DZIP3: variants seen among roughly 807,000 people sequenced by gnomAD.
DZIP3 encodes the protein E3 ubiquitin-protein ligase DZIP3.
Under a neutral mutation model 162.0 loss-of-function variants are expected in DZIP3, and 118 were observed. That is an observed-to-expected ratio of 0.73 (90% CI 0.63 to 0.85). DZIP3 has a LOEUF of 0.85. Ranked by LOEUF, DZIP3 falls within the 40% of genes least tolerant of loss-of-function variation. DZIP3 has a pLI of 0.00. For synonymous variants in DZIP3, 438 were observed against 458.6 expected (o/e 0.96, Z 0.57); for missense variants, 1,331 against 1,407.0 (o/e 0.95, Z 0.86).
At chr3:108,681,110 T>G (rs1434175808) in intron 26 of DZIP3, among the ~76,000 whole-genome samples, 2 of 151,996 alleles carry the variant, frequency 1.3e-5, no homozygotes, top group African/African-American at 2.4e-5. Flanking sequence ...GGGATCTAAC[T>G]AAAGAGCTTC....
intron 26 of DZIP3, among the ~76,000 whole-genome samples, chr3:108,683,455 G>A (rs1944390241): frequency 6.6e-6 from 1 of 152,064 alleles, no homozygotes; most frequent in Non-Finnish European, 1.5e-5. Context: ...TTTAAGTTCA[G>A]TAACAAATTG....
Position 108,674,129 on chromosome 3 carries a change from AC to A in DZIP3, c.2642del (p.Thr881MetfsTer12). 6.2e-7 allele frequency: 1 copy of A among 1,612,420 alleles called. No homozygotes were observed. The highest frequency in any genetic ancestry group is 1.1e-5 in the South Asian group (1 of 91,030). ...RDFGLLHLEQTEKECLNQLAR... is the reference protein window; with the variant it reads ...RDFGLLHLEQXEKECLNQLAR... ...TTTTGGTTTGCTTCATCTAGAGCAG[AC>A]TGAAAAGGAATGTCTCAATCAGCTT... On this transcript the variant is annotated frameshift_variant, in exon 24 of 33. Transcript: ENST00000361582. LOFTEE classifies it high-confidence loss of function.
chr3:108,605,772 G>C (rs986641470), intron 2 of DZIP3, among the ~76,000 whole-genome samples: 1 of 152,180 alleles, frequency 6.6e-6, no homozygotes, highest in African/African-American at 2.4e-5. Flanking sequence ...TGGCCTGGGG[G>C]CTGGGGACCC....
chr3:108,666,276 A>AT (rs1479075715), intron 21 of DZIP3, among the ~76,000 whole-genome samples: 1 of 152,174 alleles, frequency 6.6e-6, no homozygotes, highest in Non-Finnish European at 1.5e-5. Flanking sequence ...ATCAGATTAA[A>AT]TGGACTTCAG....
intron 11 of DZIP3, among the ~76,000 whole-genome samples, chr3:108,637,022 A>C (rs1942182278): frequency 6.6e-6 from 1 of 152,056 alleles, no homozygotes; most frequent in South Asian, 2.1e-4. Flanking sequence ...ACCTAAGGTT[A>C]AAAATAATTT....
At chr3:108,604,948 A>G (rs767556196) in intron 1 of DZIP3, among the ~76,000 whole-genome samples, 2 of 151,860 alleles carry the variant, frequency 1.3e-5, no homozygotes, top group Non-Finnish European at 2.9e-5. Context: ...TATTTATAAT[A>G]GAAAAAAATG....
chr3:108,642,596 A>G, intron 13 of DZIP3, 82 bp downstream of exon 13: 1 of 1,339,456 alleles, frequency 7.5e-7, no homozygotes, highest in Non-Finnish European at 9.9e-7. Flanking sequence ...TGCCATTAAC[A>G]ACCACGTCTT....
chr3:108,679,185 A>G (rs965368468), intron 26 of DZIP3, among the ~76,000 whole-genome samples: 1 of 152,110 alleles, frequency 6.6e-6, no homozygotes, highest in Non-Finnish European at 1.5e-5. Flanking sequence ...TTGTAGTTAA[A>G]TTCTTCAATG....
chr3:108,661,561 A>C (rs1202063279), intron 19 of DZIP3, among the ~76,000 whole-genome samples: 1 of 152,152 alleles, frequency 6.6e-6, no homozygotes, highest in African/African-American at 2.4e-5. Context: ...GGTGCAGCAC[A>C]CCAACATGGC....
chr3:108,633,159 T>G, intron 9 of DZIP3, 87 bp downstream of exon 9: 1 of 610,900 alleles, frequency 1.6e-6, no homozygotes, highest in Non-Finnish European at 2.2e-6. Context: ...TTATATTATG[T>G]ATAAAATATT....
chr3:108,684,147 T>G, intron 26 of DZIP3, 69 bp from the exon 27 acceptor site: 1 of 1,515,506 alleles, frequency 6.6e-7, no homozygotes, highest in Non-Finnish European at 8.9e-7. Flanking sequence ...ATTTAGATGA[T>G]TGCCTAAATA....
intron 12 of DZIP3, among the ~76,000 whole-genome samples, chr3:108,639,697 A>T (rs1466339183): frequency 1.3e-5 from 2 of 150,538 alleles, no homozygotes; most frequent in Non-Finnish European, 3.0e-5. Context: ...ATCATTCTGG[A>T]TAGAAGTCTA....
upstream of DZIP3, chr3:108,589,593 G>A (rs183100753): frequency 4.7e-6 from 2 of 428,060 alleles, no homozygotes; most frequent in South Asian, 3.7e-5. Flanking sequence ...CCAGGACGGG[G>A]GTTGGGAGCT....
intron 18 of DZIP3, among the ~76,000 whole-genome samples, chr3:108,652,448 T>G (rs1942906851): frequency 6.6e-6 from 1 of 151,906 alleles, no homozygotes; most frequent in Non-Finnish European, 1.5e-5. Flanking sequence ...TATAGTCTTG[T>G]ACTGCCTAAC....
At chr3:108,691,692 C>T (rs543254902) in intron 32 of DZIP3, among the ~76,000 whole-genome samples, 3 of 152,266 alleles carry the variant, frequency 2.0e-5, no homozygotes, top group Admixed American at 2.0e-4. Flanking sequence ...TGAGACTTCC[C>T]TGCTTCTGCT....
At chr3:108,631,055 A>ACACACACACATACACACTCTCTCT in intron 8 of DZIP3, among the ~76,000 whole-genome samples, 1 of 18,012 alleles carries the variant, frequency 5.6e-5, no homozygotes, top group Non-Finnish European at 9.0e-5. Context: ...ACACACACAC[A>ACACACACACATACACACTCTCTCT]CTCTCTCTCT....
At position 108,644,503 on chromosome 3, in the gene DZIP3, C is replaced by T; in HGVS notation, c.1481C>T (p.Ser494Phe). Residue 494 changes from serine (S) to phenylalanine (F), a missense_variant, in exon 14 of 33, where the codon TCT (serine) becomes TTT (phenylalanine). By Grantham distance (155) the Ser-to-Phe change is radical (BLOSUM62 -2). Transcript: ENST00000361582. ...KKGWNMEPPS[S>F]DISKSADILR... Reference sequence around the variant, plus strand: ...GGATGGAATATGGAACCGCCATCTTCTGACATCTCTAAATCTGCAGACATC... The same window carrying T: ...GGATGGAATATGGAACCGCCATCTTTTGACATCTCTAAATCTGCAGACATC... 2.5e-6 allele frequency: 4 copies of T among 1,614,130 alleles called. No homozygotes were observed. Among genetic ancestry groups the T allele is most frequent in the Non-Finnish European group, 3.4e-6 (4 of 1,179,986 alleles).
rs1262967427 is a variant in DZIP3 at position 108,642,502 on chromosome 3, T to C, written c.1129T>C (p.Phe377Leu). 1.4e-6 allele frequency: 2 copies of C among 1,472,326 alleles called. No homozygotes were observed. The highest frequency in any genetic ancestry group is 4.2e-5 in the Admixed American group (2 of 47,880). 91.2% of individuals were successfully genotyped at this position (1,472,326 alleles called of 1,614,324 possible). A position where few individuals can be genotyped will look rare whatever the true frequency, so the allele number is the denominator to read the frequency against. The change falls in exon 13 of 33, where the codon TTT (phenylalanine) becomes CTT (leucine). Residue 377 changes from phenylalanine to leucine, a missense_variant. Transcript: ENST00000361582. ...TDIRPKISLK[F>L]NTKDEMPIFK... is the part of the protein sequence containing the mutation. The stretch of plus-strand genomic sequence containing the variant: ...TATAAGACCGAAGATCAGTTTAAAA[T>C]TTAATACAAAAGGTATTATTTTATT...
At chr3:108,660,594 T>C (rs1288253658) in intron 19 of DZIP3, among the ~76,000 whole-genome samples, 1 of 151,998 alleles carries the variant, frequency 6.6e-6, no homozygotes, top group African/African-American at 2.4e-5. Flanking sequence ...ACTTCATGTC[T>C]AAAACACCAA....
Sources: allele counts gnomAD v4.1 joint callset (sites outside exome capture counted in the v4.1 genomes callset), GRCh38; gene constraint gnomAD v4.1.1; transcripts MANE v1.5; gene names NCBI Gene and HGNC (gene_info 2026-07-23, HGNC 2026-07-21).